Variants in SLC20A2 observed in about 807,000 individuals in gnomAD.
SLC20A2 encodes the protein solute carrier family 20 member 2, also known as sodium-dependent phosphate transporter 2.
SLC20A2 carries 30 observed loss-of-function variants against 61.0 expected under a neutral mutation model. That is an observed-to-expected ratio of 0.49 (90% CI 0.37 to 0.67). The LOEUF (loss-of-function observed/expected upper bound fraction) is 0.67, where lower values mean the gene tolerates loss of function less well. SLC20A2 is among the 30% of genes least tolerant of loss of function. The pLI is 0.00. For synonymous variants in SLC20A2, 351 were observed against 353.3 expected, an observed-to-expected ratio of 0.99 and a Z score of 0.07; for missense variants, 626 against 866.4, an observed-to-expected ratio of 0.72 and a Z score of 3.48.
intron 1 of SLC20A2, among the ~76,000 whole-genome samples, chr8:42,492,750 G>A (rs552901379): frequency 5.5e-4 from 83 of 151,470 alleles, no homozygotes; most frequent in African/African-American, 1.9e-3. Flanking sequence ...GTGCAGTGGC[G>A]CCATCTCGGC....
chr8:42,468,750 TG>T (rs1396962781), intron 2 of SLC20A2, among the ~76,000 whole-genome samples: 11 of 85,694 alleles, frequency 1.3e-4, no homozygotes, highest in Admixed American at 1.0e-3. Context: ...CGGGCGGGGG[TG>T]GGGTGGCAGA....
At chr8:42,470,367 G>T (rs529674780) in intron 2 of SLC20A2, among the ~76,000 whole-genome samples, 66 of 151,964 alleles carry the variant, frequency 4.3e-4, no homozygotes, top group African/African-American at 1.6e-3. Context: ...ACAGGCATGT[G>T]CCACCATGCC....
chr8:42,533,681 C>T (rs1350773429), intron 1 of SLC20A2, among the ~76,000 whole-genome samples: 1 of 27,250 alleles, frequency 3.7e-5, no homozygotes, highest in African/African-American at 2.2e-4. Context: ...TTTTTTGAGA[C>T]GGGAGTCTTA....
chr8:42,461,069 G>A (rs1806655250), intron 4 of SLC20A2, among the ~76,000 whole-genome samples: 1 of 152,338 alleles, frequency 6.6e-6, no homozygotes, highest in African/African-American at 2.4e-5. Context: ...GTCTCAAGGA[G>A]CCAAGAGCAC....
At chr8:42,429,966 C>T in intron 9 of SLC20A2, 98 bp downstream of exon 9, 1 of 1,032,830 alleles carries the variant, frequency 9.7e-7, no homozygotes, top group Non-Finnish European at 1.4e-6. Flanking sequence ...CCGCTGCCAA[C>T]TGCCAGTGCT....
At chr8:42,533,109 G>A (rs1563555122) in intron 1 of SLC20A2, among the ~76,000 whole-genome samples, 1 of 152,106 alleles carries the variant, frequency 6.6e-6, no homozygotes, top group Non-Finnish European at 1.5e-5. Flanking sequence ...AATGATGTAT[G>A]GAATTTTGCT....
intron 1 of SLC20A2, chr8:42,541,511 G>A (rs1450219999): frequency 8.2e-6 from 1 of 121,944 alleles, no homozygotes; most frequent in African/African-American, 2.7e-5. Context: ...AACTGAAAAG[G>A]GGAAAGGAAA....
At chr8:42,424,320 TG>T (rs927130351) in intron 10 of SLC20A2, among the ~76,000 whole-genome samples, 1 of 88,934 alleles carries the variant, frequency 1.1e-5, no homozygotes, top group Non-Finnish European at 2.6e-5. Flanking sequence ...AGGCTTTTTT[TG>T]GGGGGTGCGG....
intron 1 of SLC20A2, among the ~76,000 whole-genome samples, chr8:42,536,147 T>TA (rs1318516046): frequency 2.0e-5 from 3 of 152,218 alleles, no homozygotes; most frequent in Non-Finnish European, 4.4e-5. Context: ...CTCAGATACT[T>TA]AAACAGAACA....
intron 8 of SLC20A2, among the ~76,000 whole-genome samples, chr8:42,436,648 A>G (rs907729864): frequency 6.6e-6 from 1 of 152,084 alleles, no homozygotes; most frequent in Non-Finnish European, 1.5e-5. Flanking sequence ...GTCCTGGAGA[A>G]CACAGGTGTG....
rs192343374 is a variant in SLC20A2 at position 42,433,239 on chromosome 8, C to A, written c.1524-2990G>T. ...TTTAAACAAATTCCCACTGCCCCTCCCCGCAGCTAATGGCAACCACCATCC... is the reference window on the plus strand; with the variant it reads ...TTTAAACAAATTCCCACTGCCCCTCACCGCAGCTAATGGCAACCACCATCC... On this transcript the variant is annotated intron_variant, in intron 8 of 10. Coordinates refer to ENST00000520262, the MANE Select transcript of SLC20A2 (RefSeq NM_001257180.2). Among the ~76,000 whole-genome samples, 11 of 152,326 alleles carry A rather than the reference C, an allele frequency of 7.2e-5. 1 individual carries two copies. The highest frequency in any genetic ancestry group is 3.3e-4 in the Admixed American group (5 of 15,300).
intron 1 of SLC20A2, among the ~76,000 whole-genome samples, chr8:42,525,601 A>G (rs964398699): frequency 1.5e-4 from 23 of 151,828 alleles, no homozygotes; most frequent in African/African-American, 5.1e-4. Flanking sequence ...AAAAAAAAAA[A>G]AAAAGAAAGT....
rs935084146 is a variant in SLC20A2 at position 42,449,500 on chromosome 8, ACTT to A, written c.614-4741_614-4739del. On this transcript the variant is annotated intron_variant, in intron 5 of 10. Coordinates refer to ENST00000520262, the MANE Select transcript of SLC20A2 (RefSeq NM_001257180.2). ...GTCTCCATTGTTATTGCCTTGTTGT[ACTT>A]CTTGTTTTTCACATCTAACACTCAT... 4.6e-5 allele frequency among the ~76,000 whole-genome samples: 7 copies of A among 152,180 alleles called. No homozygotes were observed. In the East Asian group the frequency reaches 5.8e-4, roughly 13 times the overall value.
Position 42,439,624 on chromosome 8 carries a change from G to A in SLC20A2, c.760C>T (p.Arg254Ter). 6.2e-7 allele frequency: 1 copy of A among 1,614,102 alleles called. No individual in the cohort carries two copies. The change falls in exon 7 of 11, where the codon CGA becomes TGA. Residue 254 changes from arginine to a stop codon, truncating the protein, a stop_gained. Transcript: ENST00000520262. LOFTEE classifies it high-confidence loss of function. ...TTACTGAGGCTTTCGTCAGATACTCGTGATAAAGCACCTTCTTTTTGTAAT... is the reference window on the plus strand; with the variant it reads ...TTACTGAGGCTTTCGTCAGATACTCATGATAAAGCACCTTCTTTTTGTAAT... The part of the protein sequence containing the change: ...GKLQKEGALS[R>*]VSDESLSKVQ...
intron 10 of SLC20A2, among the ~76,000 whole-genome samples, chr8:42,427,357 C>T (rs1803485244): frequency 6.6e-6 from 1 of 152,206 alleles, no homozygotes; most frequent in African/African-American, 2.4e-5. Flanking sequence ...GGTGTGTGGC[C>T]TGAGGTGAAG....
At chr8:42,448,465 TG>T (rs1372694175) in intron 5 of SLC20A2, among the ~76,000 whole-genome samples, 1 of 152,162 alleles carries the variant, frequency 6.6e-6, no homozygotes, top group East Asian at 1.9e-4. Flanking sequence ...CAGGGTCACA[TG>T]GGGTCCCAGA....
At chr8:42,456,099 C>G (rs1272528646) in intron 5 of SLC20A2, among the ~76,000 whole-genome samples, 1 of 151,596 alleles carries the variant, frequency 6.6e-6, no homozygotes, top group Non-Finnish European at 1.5e-5. Flanking sequence ...ATATTTTTAG[C>G]GAATGTGCCA....
intron 1 of SLC20A2, among the ~76,000 whole-genome samples, chr8:42,515,038 A>G (rs1403923434): frequency 6.6e-6 from 1 of 152,256 alleles, no homozygotes; most frequent in Non-Finnish European, 1.5e-5. Flanking sequence ...AGTGTCAGGA[A>G]CCGTACTAAG....
At chr8:42,471,249 C>CCTGCCGGGAAGGTTCTTTTCTGT (rs1807615156) in intron 2 of SLC20A2, 1 of 455,932 alleles carries the variant, frequency 2.2e-6, no homozygotes. Flanking sequence ...TTAACACACG[C>CCTGCCGGGAAGGTTCTTTTCTGT]CTGCCGGGAA....
Sources: gnomAD v4.1 joint callset for allele counts (sites outside exome capture counted in the v4.1 genomes callset) on GRCh38, gnomAD v4.1.1 for gene constraint, MANE v1.5 for transcripts, NCBI Gene and HGNC (gene_info 2026-07-23, HGNC 2026-07-21) for gene names.